Variants in SBNO2 observed in about 807,000 individuals in gnomAD.
SBNO2 encodes protein strawberry notch homolog 2.
Under a neutral mutation model 146.3 loss-of-function variants are expected in SBNO2, and 89 were observed. The observed-to-expected ratio is 0.61, with a 90% confidence interval of 0.51 to 0.73. The LOEUF is 0.73. Ranked by LOEUF, SBNO2 falls within the 30% of genes least tolerant of loss-of-function variation. SBNO2 has a pLI of 0.00. For synonymous variants in SBNO2, 1,147 were observed against 892.6 expected (o/e 1.29, Z -5.08); for missense variants, 2,092 against 2,003.7 (o/e 1.04, Z -0.84).
chr19:1,160,038 G>T (rs867045111), intron 1 of SBNO2, among the ~76,000 whole-genome samples: 1 of 152,076 alleles, frequency 6.6e-6, no homozygotes, highest in African/African-American at 2.4e-5. Flanking sequence ...CGCCTGCCCC[G>T]CCACGCGGCC....
intron 4 of SBNO2, among the ~76,000 whole-genome samples, chr19:1,131,743 G>A (rs2080030648): frequency 6.6e-6 from 1 of 152,202 alleles, no homozygotes; most frequent in Non-Finnish European, 1.5e-5. Flanking sequence ...GGCAGAAGGA[G>A]GGGGACGCAG....
rs866151848 is a variant in SBNO2, at chr19:1,164,639, G to C, written c.-127+9533C>G. On this transcript the variant is annotated intron_variant, in intron 1 of 31. Transcript: ENST00000361757. ...GGAGGAGGAACAGGAGGAGGAGGAG[G>C]AGGAGGAACAGGAGGAGGAGGAGGA... 1.2e-4 allele frequency among the ~76,000 whole-genome samples: 17 copies of C among 146,754 alleles called. No individual in the cohort carries two copies. The South Asian group carries it at 3.8e-3, about 33-fold the overall frequency.
In SBNO2 at chr19:1,109,754, TCTC is replaced by T. The variant is rs747417026; in HGVS notation, c.3049_3051del (p.Glu1017del). 8.8e-6 allele frequency: 13 copies of T among 1,481,638 alleles called. No individual in the cohort carries two copies. The highest frequency in any genetic ancestry group is 4.3e-5 in the African/African-American group (3 of 70,104). 91.8% of individuals were successfully genotyped at this position (1,481,638 alleles called of 1,614,324 possible). On this transcript the variant is annotated inframe_deletion, in exon 27 of 32. Coordinates refer to ENST00000361757, the MANE Select transcript of SBNO2 (RefSeq NM_014963.3). This position sits in a 1 kb window ranked among gnomAD's most constrained non-coding sequence, Gnocchi z 4.2. ...AACACCTGCTGGCTCTCCTCGTAGA[TCTC>T]CTCGATACCGGGAGCAAGGTCTAGG...
intron 1 of SBNO2, among the ~76,000 whole-genome samples, chr19:1,165,512 C>A (rs2080404880): frequency 6.6e-6 from 1 of 152,120 alleles, no homozygotes; most frequent in Non-Finnish European, 1.5e-5. Context: ...TTGGACAGAG[C>A]AAGAGTCCCA....
Position 1,110,929 on chromosome 19 carries a change from T to A in SBNO2, c.2885-41A>T, listed in dbSNP as rs761315877. ...GCCAAGCCTCAGGCTGCGCTGGGAA[T>A]CCCTCTCCCTGCTTTGCTCACCACC... On this transcript the variant is annotated intron_variant, in intron 25 of 31. Coordinates refer to ENST00000361757, the MANE Select transcript of SBNO2 (RefSeq NM_014963.3). This position sits in a 1 kb window ranked among gnomAD's most constrained non-coding sequence, Gnocchi z 4.9. 1 of 1,611,140 alleles carries A rather than the reference T, an allele frequency of 6.2e-7. No homozygotes were observed. The highest frequency in any genetic ancestry group is 1.1e-5 in the South Asian group (1 of 91,036).
At chr19:1,169,900 CA>C (rs1267165431) in intron 1 of SBNO2, among the ~76,000 whole-genome samples, 3 of 152,186 alleles carry the variant, frequency 2.0e-5, no homozygotes, top group Non-Finnish European at 4.4e-5. Flanking sequence ...TCCCCCAAAA[CA>C]CAGCCGTGTC....
intron 3 of SBNO2, among the ~76,000 whole-genome samples, chr19:1,147,728 G>A (rs112284726): frequency 5.3e-5 from 8 of 152,098 alleles, no homozygotes; most frequent in African/African-American, 1.4e-4. Context: ...AGCAGGACTC[G>A]GCTAAGGGTT....
intron 1 of SBNO2, among the ~76,000 whole-genome samples, chr19:1,169,438 T>C (rs1296600699): frequency 1.3e-5 from 2 of 152,226 alleles, no homozygotes; most frequent in East Asian, 1.9e-4. Flanking sequence ...TCAGGCTGAC[T>C]GGCCCCTGTG....
chr19:1,151,014 G>A (rs961078984), intron 2 of SBNO2, among the ~76,000 whole-genome samples: 3 of 152,250 alleles, frequency 2.0e-5, no homozygotes, highest in South Asian at 2.1e-4. Flanking sequence ...AGAAGACCCC[G>A]TGCAAGTGGC....
intron 4 of SBNO2, among the ~76,000 whole-genome samples, chr19:1,130,851 T>C (rs2080020138): frequency 6.6e-6 from 1 of 152,156 alleles, no homozygotes; most frequent in African/African-American, 2.4e-5. Context: ...GCTTTCAGGC[T>C]TCAAGAACGC....
intron 19 of SBNO2, among the ~76,000 whole-genome samples, 176 bp from the exon 20 acceptor site, chr19:1,113,125 T>C (rs982906963): frequency 2.0e-5 from 3 of 152,166 alleles, no homozygotes; most frequent in African/African-American, 7.2e-5. Flanking sequence ...GATGTGTGCC[T>C]GTCCAAGGCC....
chr19:1,119,666 A>T (rs1195738894), intron 12 of SBNO2, 45 bp from the exon 13 acceptor site: 22 of 1,506,462 alleles, frequency 1.5e-5, no homozygotes, highest in Non-Finnish European at 1.9e-5. Context: ...GGGAGGGCCC[A>T]GAGGCCGCGT....
At position 1,154,357 on chromosome 19, in the gene SBNO2, T is replaced by G. The variant is rs1463762027; in HGVS notation, c.-81A>C. On this transcript the variant is annotated 5_prime_UTR_variant, in exon 2 of 32. Transcript: ENST00000361757. ...ACCCGGGGCCGCCGGGGCGTCTATC[T>G]GGGCTTCTCGCTCCGTGGTGGCGGC... 1.4e-6 allele frequency: 1 copy of G among 729,288 alleles called. No homozygotes were observed. Among genetic ancestry groups the G allele is most frequent in the Non-Finnish European group, 1.9e-6 (1 of 528,466 alleles). The allele number at this position is 729,288 out of a possible 1,614,324, so 45.2% of individuals were successfully genotyped here.
At chr19:1,165,912 C>T (rs2080414158) in intron 1 of SBNO2, among the ~76,000 whole-genome samples, 1 of 126,082 alleles carries the variant, frequency 7.9e-6, no homozygotes, top group African/African-American at 2.7e-5. Flanking sequence ...ACCCCCAGAC[C>T]CCAGATCCCA....
chr19:1,166,031 C>CCTCAGACCCCAGAT (rs2080417427), intron 1 of SBNO2, among the ~76,000 whole-genome samples: 1 of 14,388 alleles, frequency 7.0e-5, no homozygotes, highest in Non-Finnish European at 1.3e-4. Flanking sequence ...AGACCCCAGA[C>CCTCAGACCCCAGAT]CCCAGACCCC....
In SBNO2 at chr19:1,173,503, G is replaced by A. The variant is rs1161531547; in HGVS notation, c.-127+669C>T. On this transcript the variant is annotated intron_variant, in intron 1 of 31. Coordinates refer to ENST00000361757, the MANE Select transcript of SBNO2 (RefSeq NM_014963.3). This position sits in a 1 kb window ranked among gnomAD's most constrained non-coding sequence, Gnocchi z 4.7. ...AAGTCGGAGGCCCCAGGAGCGGGAGGGGCGGGGAGCAAGGGGAGGGAGGGA... is the reference window on the plus strand; with the variant it reads ...AAGTCGGAGGCCCCAGGAGCGGGAGAGGCGGGGAGCAAGGGGAGGGAGGGA... Among the ~76,000 whole-genome samples, 1 of 152,200 alleles carries A rather than the reference G, an allele frequency of 6.6e-6. No individual in the cohort carries two copies. Among genetic ancestry groups the A allele is most frequent in the African/African-American group, 2.4e-5 (1 of 41,462 alleles).
chr19:1,119,704 G>T, intron 12 of SBNO2, 83 bp from the exon 13 acceptor site: 1 of 1,222,532 alleles, frequency 8.2e-7, no homozygotes, highest in African/African-American at 1.5e-5. Flanking sequence ...GGGACCACCC[G>T]ACGAGGGGCC....
At chr19:1,172,419 C>T (rs1027272788) in intron 1 of SBNO2, among the ~76,000 whole-genome samples, 5 of 152,186 alleles carry the variant, frequency 3.3e-5, no homozygotes, top group Admixed American at 6.5e-5. Flanking sequence ...AATCTGGGGC[C>T]GGGCAGCCAG....
At position 1,119,086 on chromosome 19, in the gene SBNO2, G is replaced by A. The variant is rs185915763; in HGVS notation, c.1452C>T (p.Ser484=). ...TCTCCTCGATGCGGAAGGTGACGCCGGAGAAGCTGAGCTGGCGTGCGATGT... is the reference window on the plus strand; with the variant it reads ...TCTCCTCGATGCGGAAGGTGACGCCAGAGAAGCTGAGCTGGCGTGCGATGT... The part of the protein sequence containing the change: ...GMYIARQLSF[S]GVTFRIEEIP... Residue 484 remains serine (S), a synonymous_variant, in exon 14 of 32, where the codon TCC becomes TCT. Transcript: ENST00000361757. 3.9e-5 allele frequency: 62 copies of A among 1,605,632 alleles called. No homozygotes were observed. Among genetic ancestry groups the A allele is most frequent in the African/African-American group, 8.0e-5 (6 of 74,952 alleles).
Sources: allele counts gnomAD v4.1 joint callset (sites outside exome capture counted in the v4.1 genomes callset), GRCh38; gene constraint gnomAD v4.1.1; non-coding constraint Gnocchi (gnomAD v3.1); transcripts MANE v1.5; gene names NCBI Gene and HGNC (gene_info 2026-07-23, HGNC 2026-07-21).